The following SHROOM4 variants were observed in gnomAD, a reference collection of about 807,000 sequenced individuals.
SHROOM4 encodes the protein shroom family member 4.
A neutral mutation model predicts 80.3 loss-of-function variants in SHROOM4; 17 were observed. That is an observed-to-expected ratio of 0.21 (90% confidence interval 0.14 to 0.32). The LOEUF is 0.32. SHROOM4 is among the 10% of genes least tolerant of loss of function. SHROOM4 has a pLI of 1.00. For missense variants in SHROOM4, 993 were observed against 1,140.3 expected (o/e 0.87, Z 1.86); for synonymous variants, 400 against 437.5 (o/e 0.91, Z 1.07).
At chrX:50,709,998 C>T (rs1385795955) in intron 1 of SHROOM4, among the ~76,000 whole-genome samples, 2 of 111,918 alleles carry the variant, frequency 1.8e-5, no homozygotes, top group African/African-American at 6.5e-5. Context: ...CCTGGTGATG[C>T]TCACATTGCC....
chrX:50,604,270 T>C (rs1929571877), intron 6 of SHROOM4, among the ~76,000 whole-genome samples: 1 of 111,930 alleles, frequency 8.9e-6, no homozygotes, highest in Non-Finnish European at 1.9e-5. Context: ...GATAGATACA[T>C]GCACACATAG....
chrX:50,579,534 G>A, the SHROOM4 span, among the ~76,000 whole-genome samples: 1 of 111,862 alleles, frequency 8.9e-6, no homozygotes, highest in South Asian at 3.8e-4. Context: ...AATTTTAATC[G>A]GAGAGGGCTG....
intron 5 of SHROOM4, among the ~76,000 whole-genome samples, chrX:50,618,354 T>A (rs1209087842): frequency 2.6e-4 from 5 of 19,172 alleles, no homozygotes; most frequent in African/African-American, 1.1e-3. Flanking sequence ...CTTCCTTCCT[T>A]CCTTCCTTCC....
intron 1 of SHROOM4, among the ~76,000 whole-genome samples, chrX:50,712,351 C>T (rs782788091): frequency 8.9e-5 from 10 of 112,053 alleles, no homozygotes; most frequent in South Asian, 3.7e-4. Context: ...TTACCCTTCA[C>T]AGCCTCTGGT....
rs1406860028 is a variant in SHROOM4 at position 50,591,108 on chromosome X, A to AT, written c.*5586dup. On this transcript the variant is annotated 3_prime_UTR_variant, in exon 9 of 9. Coordinates refer to ENST00000376020, the MANE Select transcript of SHROOM4 (RefSeq NM_020717.5). ...TTGCATGTGATTTAAGGAAAACTTC[A>AT]TTTTTTCCCATGTAGATACCCAGTT... 1.8e-5 allele frequency among the ~76,000 whole-genome samples: 2 copies of AT among 111,972 alleles called. No homozygotes were observed. The highest frequency in any genetic ancestry group is 3.8e-5 in the Non-Finnish European group (2 of 53,179).
chrX:50,719,391 T>C (rs1436248575), intron 1 of SHROOM4, among the ~76,000 whole-genome samples: 3 of 111,787 alleles, frequency 2.7e-5, no homozygotes, highest in Admixed American at 1.9e-4. Context: ...TCTATTCTAA[T>C]AGTCATTTCT....
At chrX:50,813,687 G>T (rs1557273685) in intron 1 of SHROOM4, among the ~76,000 whole-genome samples, 1 of 112,058 alleles carries the variant, frequency 8.9e-6, no homozygotes, top group Non-Finnish European at 1.9e-5. Context: ...GGTTCTAGCC[G>T]GGGGCCAGTT....
chrX:50,676,536 T>C lies in SHROOM4; in HGVS notation c.269+19250A>G, dbSNP rs782476262. On this transcript the variant is annotated intron_variant, in intron 2 of 8. Coordinates refer to ENST00000376020, the MANE Select transcript of SHROOM4 (RefSeq NM_020717.5). ...TTCTAAGGGCTTGAAAATTTTATCTTCTCTGGGTTGAATAATCTTGATTCT... is the reference window on the plus strand; with the variant it reads ...TTCTAAGGGCTTGAAAATTTTATCTCCTCTGGGTTGAATAATCTTGATTCT... 6.3e-5 allele frequency among the ~76,000 whole-genome samples: 7 copies of C among 111,067 alleles called. No homozygotes were observed. In the South Asian group the frequency reaches 1.5e-3, roughly 24 times the overall value.
chrX:50,577,360 G>A, the SHROOM4 span, among the ~76,000 whole-genome samples: 9 of 112,661 alleles, frequency 8.0e-5, no homozygotes, highest in South Asian at 3.3e-3. Flanking sequence ...ACATATGAGA[G>A]GGTGCCTCTG....
At chrX:50,632,228 G>A (rs557747450) in intron 4 of SHROOM4, among the ~76,000 whole-genome samples, 1 of 112,338 alleles carries the variant, frequency 8.9e-6, no homozygotes, top group South Asian at 3.7e-4. Context: ...CATATAAAAG[G>A]AATTGTAGAG....
downstream of SHROOM4, among the ~76,000 whole-genome samples, chrX:50,584,591 A>G (rs782635194): frequency 8.9e-6 from 1 of 112,058 alleles, no homozygotes; most frequent in East Asian, 2.8e-4. Context: ...AGTTCAGAGG[A>G]TAATAGTTGT....
chrX:50,741,026 A>G (rs1329061975), intron 1 of SHROOM4, among the ~76,000 whole-genome samples: 1 of 111,087 alleles, frequency 9.0e-6, no homozygotes, highest in Admixed American at 9.6e-5. Context: ...AGTTTTCCCA[A>G]CATCATTTAT....
intron 1 of SHROOM4, among the ~76,000 whole-genome samples, chrX:50,744,049 G>C (rs782386070): frequency 3.6e-5 from 4 of 111,418 alleles, no homozygotes; most frequent in Non-Finnish European, 7.5e-5. Context: ...CTTTGGCTTT[G>C]AATTTCAGCA....
intron 2 of SHROOM4, among the ~76,000 whole-genome samples, chrX:50,651,828 T>C (rs994355931): frequency 3.7e-5 from 4 of 109,292 alleles, no homozygotes; most frequent in Non-Finnish European, 5.7e-5. Context: ...TGAGAACATG[T>C]GGTGTTTGGT....
chrX:50,783,953 T>C (rs193102981), intron 1 of SHROOM4, among the ~76,000 whole-genome samples: 8 of 112,407 alleles, frequency 7.1e-5, no homozygotes, highest in Admixed American at 9.4e-5. Context: ...GGAGGACTTA[T>C]ACGACTTGAT....
At position 50,678,761 on chromosome X, in the gene SHROOM4, T is replaced by C. The variant is rs782302845; in HGVS notation, c.269+17025A>G. Among the ~76,000 whole-genome samples the C allele has an allele frequency of 8.1e-5, 9 of 111,371 alleles. No homozygotes were observed. In the Admixed American group the frequency reaches 8.6e-4, roughly 11 times the overall value. ...TTCCTTCACTCTCACACTCAACTTT[T>C]GTTGAAAACTAGCAGTGTCATACCC... On this transcript the variant is annotated intron_variant, in intron 2 of 8. Transcript: ENST00000376020.
At chrX:50,740,891 T>C (rs781965121) in intron 1 of SHROOM4, among the ~76,000 whole-genome samples, 2 of 112,108 alleles carry the variant, frequency 1.8e-5, no homozygotes, top group South Asian at 7.4e-4. Context: ...ACCAGTGTTG[T>C]ACAGCTTTCC....
At chrX:50,643,911 C>T (rs1931720803) in intron 2 of SHROOM4, among the ~76,000 whole-genome samples, 1 of 112,979 alleles carries the variant, frequency 8.9e-6, no homozygotes, top group Non-Finnish European at 1.9e-5. Flanking sequence ...CAGACACATA[C>T]ACTTAAAAGA....
rs782201255 is a variant in SHROOM4 at position 50,596,514 on chromosome X, C to T, written c.*181G>A. On this transcript the variant is annotated 3_prime_UTR_variant, in exon 9 of 9. Coordinates refer to ENST00000376020, the MANE Select transcript of SHROOM4 (RefSeq NM_020717.5). Reference sequence around the variant, plus strand: ...TCCCTTGGGTAGAAGCTTGTGGCTTCCCCAGGGTCTCCTAGCTGGTTAGGA... The same window carrying T: ...TCCCTTGGGTAGAAGCTTGTGGCTTTCCCAGGGTCTCCTAGCTGGTTAGGA... 3.3e-6 allele frequency: 2 copies of T among 612,752 alleles called. No individual in the cohort carries two copies. The highest frequency in any genetic ancestry group is 2.4e-5 in the South Asian group (1 of 41,754). 50.5% of individuals were successfully genotyped at this position (612,752 alleles called of 1,213,427 possible).
Sources: gnomAD v4.1 joint callset for allele counts (sites outside exome capture counted in the v4.1 genomes callset) on GRCh38, gnomAD v4.1.1 for gene constraint, MANE v1.5 for transcripts, NCBI Gene and HGNC (gene_info 2026-07-23, HGNC 2026-07-21) for gene names.